Variants in GRIN2D observed in about 807,000 individuals in gnomAD.
The protein encoded by GRIN2D is glutamate receptor ionotropic, NMDA 2D.
A neutral mutation model predicts 103.2 loss-of-function variants in GRIN2D; 37 were observed. That is an observed-to-expected ratio of 0.36 (90% CI 0.28 to 0.47). GRIN2D has a LOEUF of 0.47. Ranked by LOEUF, GRIN2D falls within the 20% of genes least tolerant of loss-of-function variation. The pLI is 1.00. For missense variants in GRIN2D, 1,557 were observed against 1,910.6 expected, an observed-to-expected ratio of 0.81 and a Z score of 3.45; for synonymous variants, 845 against 885.6, an observed-to-expected ratio of 0.95 and a Z score of 0.81.
chr19:48,431,298 T>C (rs1971152404), intron 11 of GRIN2D, among the ~76,000 whole-genome samples: 1 of 152,244 alleles, frequency 6.6e-6, no homozygotes. Flanking sequence ...TTGAGCTTCC[T>C]GACAGAGGCA....
At chr19:48,396,944 C>G (rs1180515115) in intron 2 of GRIN2D, among the ~76,000 whole-genome samples, 1 of 152,146 alleles carries the variant, frequency 6.6e-6, no homozygotes, top group Non-Finnish European at 1.5e-5. Flanking sequence ...ACTCCCAGTG[C>G]CCTCCTCCCT....
chr19:48,409,783 T>A (rs1970833516), intron 4 of GRIN2D, among the ~76,000 whole-genome samples: 1 of 151,800 alleles, frequency 6.6e-6, no homozygotes, highest in Non-Finnish European at 1.5e-5. Context: ...ACATGATTCT[T>A]TTTTTTCTTT....
chr19:48,406,091 C>T (rs946645526), intron 4 of GRIN2D, among the ~76,000 whole-genome samples: 1 of 152,156 alleles, frequency 6.6e-6, no homozygotes, highest in Non-Finnish European at 1.5e-5. Flanking sequence ...ATTGGTTGGA[C>T]GTCTATTGGA....
At position 48,421,867 on chromosome 19, in the gene GRIN2D, A is replaced by G; in HGVS notation, c.2174A>G (p.Asn725Ser). 6.2e-7 allele frequency: 1 copy of G among 1,614,106 alleles called. No homozygotes were observed. The highest frequency in any genetic ancestry group is 8.5e-7 in the Non-Finnish European group (1 of 1,180,004). The change falls in exon 11 of 14, where the codon AAC (asparagine) becomes AGC (serine). Residue 725 changes from asparagine to serine, a missense_variant. Asn to Ser is a conservative substitution (Grantham distance 46). Around this residue, in one of 7 missense-constraint regions of GRIN2D, gnomAD observed 138 missense variants for 270.2 expected, o/e 0.51. Transcript: ENST00000263269. The surrounding 1 kb of genome is among the most constrained non-coding windows in gnomAD (Gnocchi z 4.8). The stretch of plus-strand genomic sequence containing the variant: ...TCCACGGAGAAGAACATCCGCAGCA[A>G]CTATCCCGACATGCACAGCTACATG... ...NGSTEKNIRS[N>S]YPDMHSYMVR...
intron 11 of GRIN2D, among the ~76,000 whole-genome samples, chr19:48,433,555 C>T (rs1004331541): frequency 2.0e-5 from 3 of 152,128 alleles, no homozygotes; most frequent in African/African-American, 7.2e-5. Flanking sequence ...CTACCGCTTC[C>T]GGCAAGTAAC....
chr19:48,443,212 T>TGCCGC lies in GRIN2D; in HGVS notation c.3297_3301dup (p.Pro1101ArgfsTer419), dbSNP rs909138325. 1 of 1,272,588 alleles carries TGCCGC rather than the reference T, an allele frequency of 7.9e-7. No homozygotes were observed. Among genetic ancestry groups the TGCCGC allele is most frequent in the Non-Finnish European group, 1.0e-6 (1 of 995,906 alleles). The allele number at this position is 1,272,588 out of a possible 1,614,324, so 78.8% of individuals were successfully genotyped here. ...AGGAGCCCCGGCCGCTCCGCCCCCGTGCCGCGCCGCGCCGCCCCCGTGCCC... is the reference window on the plus strand; with the variant it reads ...AGGAGCCCCGGCCGCTCCGCCCCCGTGCCGCGCCGCGCCGCGCCGCCCCCGTGCCC... On this transcript the variant is annotated frameshift_variant, in exon 14 of 14. Coordinates refer to ENST00000263269, the MANE Select transcript of GRIN2D (RefSeq NM_000836.4). LOFTEE classifies it high-confidence loss of function. This position sits in a 1 kb window ranked among gnomAD's most constrained non-coding sequence, Gnocchi z 8.9.
chr19:48,402,444 G>A (rs992115267), intron 3 of GRIN2D, among the ~76,000 whole-genome samples: 1 of 152,046 alleles, frequency 6.6e-6, no homozygotes, highest in Non-Finnish European at 1.5e-5. Flanking sequence ...CTGGCCGGGC[G>A]CGGTGGCTCA....
intron 3 of GRIN2D, among the ~76,000 whole-genome samples, chr19:48,404,492 CA>C: frequency 1.3e-5 from 2 of 151,402 alleles, no homozygotes. Context: ...GATTCTGTCT[CA>C]AAAAAACAAA....
At chr19:48,438,121 C>A (rs1254449720) in intron 11 of GRIN2D, among the ~76,000 whole-genome samples, 5 of 152,018 alleles carry the variant, frequency 3.3e-5, no homozygotes, top group Admixed American at 3.3e-4. Context: ...ACCACACACA[C>A]ACGGCATTTA....
chr19:48,416,125 A>C lies in GRIN2D; in HGVS notation c.1705A>C (p.Asn569His). The change falls in exon 8 of 14, where the codon AAT becomes CAT. Residue 569 changes from asparagine (N) to histidine (H), a missense_variant. Physicochemically the swap from Asn to His is moderately conservative, Grantham distance 68. This residue lies in a region of GRIN2D where 197 missense variants were observed against 334.1 expected (regional missense o/e 0.59). Transcript: ENST00000263269. ...TGISVMVARS[N>H]GTVSPSAFLE... ...CATCAGCGTCATGGTGGCGCGCAGC[A>C]ATGGCACGGTGTCCCCCTCGGCCTT... 6.2e-7 allele frequency: 1 copy of C among 1,613,922 alleles called. No individual in the cohort carries two copies. Among genetic ancestry groups the C allele is most frequent in the Non-Finnish European group, 8.5e-7 (1 of 1,179,974 alleles).
chr19:48,428,963 T>C (rs920986427), intron 11 of GRIN2D, among the ~76,000 whole-genome samples: 11 of 152,130 alleles, frequency 7.2e-5, no homozygotes, highest in Non-Finnish European at 1.0e-4. Flanking sequence ...GCCCAGGTTC[T>C]CACCACTAGG....
chr19:48,421,914 G>T lies in GRIN2D; in HGVS notation c.2221G>T (p.Val741Leu). ...SYMVRYNQPR[V>L]EEALTQLKAG... Reference sequence around the variant, plus strand: ...CATGGTGCGCTACAACCAGCCCCGCGTAGAGGAAGCGCTCACTCAGCTCAA... The same window carrying T: ...CATGGTGCGCTACAACCAGCCCCGCTTAGAGGAAGCGCTCACTCAGCTCAA... Residue 741 changes from valine to leucine, a missense_variant, in exon 11 of 14, where the codon GTA becomes TTA. This residue lies in a region of GRIN2D where 138 missense variants were observed against 270.2 expected (regional missense o/e 0.51). Coordinates refer to ENST00000263269, the MANE Select transcript of GRIN2D (RefSeq NM_000836.4). The surrounding 1 kb of genome is among the most constrained non-coding windows in gnomAD (Gnocchi z 4.8). 1 of 1,614,118 alleles carries T rather than the reference G, an allele frequency of 6.2e-7. No homozygotes were observed. The highest frequency in any genetic ancestry group is 8.5e-7 in the Non-Finnish European group (1 of 1,179,994).
At chr19:48,400,429 G>C (rs1486566716) in intron 3 of GRIN2D, among the ~76,000 whole-genome samples, 2 of 152,212 alleles carry the variant, frequency 1.3e-5, no homozygotes, top group African/African-American at 4.8e-5. Flanking sequence ...CAACTTTCTT[G>C]TTCTCCTTGG....
intron 4 of GRIN2D, among the ~76,000 whole-genome samples, chr19:48,410,526 TC>T (rs1970845189): frequency 5.0e-5 from 1 of 19,810 alleles, no homozygotes; most frequent in Non-Finnish European, 6.9e-5. Context: ...AGACTCTGAC[TC>T]AAAAAAAAAA....
At chr19:48,412,315 C>A (rs1278643202) in intron 4 of GRIN2D, among the ~76,000 whole-genome samples, 1 of 145,314 alleles carries the variant, frequency 6.9e-6, no homozygotes, top group Non-Finnish European at 1.5e-5. Flanking sequence ...GGCGACAGAG[C>A]GAGACTCTGT....
intron 7 of GRIN2D, among the ~76,000 whole-genome samples, chr19:48,415,253 C>T (rs1970930660): frequency 6.6e-6 from 1 of 152,042 alleles, no homozygotes; most frequent in Admixed American, 6.6e-5. Flanking sequence ...CGCCTGTAAT[C>T]CCAGCTACTC....
rs565693243 is a variant in GRIN2D, at chr19:48,396,784, G to C, written c.-26-1583G>C. 1.4e-3 allele frequency among the ~76,000 whole-genome samples: 211 copies of C among 152,158 alleles called. 2 individuals are homozygous for C. The highest frequency in any genetic ancestry group is 4.9e-3 in the African/African-American group (203 of 41,498). The stretch of plus-strand genomic sequence containing the variant: ...GGTGGTGGACCTTTCCCCCGCCCTG[G>C]CTGTCTGTGGGGTGGACGAGGCCTG... On this transcript the variant is annotated intron_variant, in intron 2 of 13. Transcript: ENST00000263269.
intron 11 of GRIN2D, 61 bp from the exon 12 acceptor site, chr19:48,441,708 G>A (rs1356810767): frequency 2.8e-6 from 4 of 1,430,996 alleles, no homozygotes; most frequent in Non-Finnish European, 2.9e-6. Flanking sequence ...GGAGGTTCCA[G>A]GCCTGGCGGC....
intron 3 of GRIN2D, among the ~76,000 whole-genome samples, chr19:48,400,762 A>G (rs981071559): frequency 2.6e-5 from 4 of 152,144 alleles, no homozygotes; most frequent in African/African-American, 4.8e-5. Context: ...TTCTCCTTGC[A>G]TTACAATAAG....
Sources: gnomAD v4.1 joint callset for allele counts (sites outside exome capture counted in the v4.1 genomes callset) on GRCh38, gnomAD v4.1.1 for gene constraint, gnomAD v4.1.1 regional missense constraint, Gnocchi (gnomAD v3.1) non-coding constraint, MANE v1.5 for transcripts, NCBI Gene and HGNC (gene_info 2026-07-23, HGNC 2026-07-21) for gene names.